Variants in MKLN1 observed in about 807,000 individuals in gnomAD.
MKLN1 encodes the protein muskelin 1.
A neutral mutation model predicts 99.0 loss-of-function variants in MKLN1; 18 were observed. The observed-to-expected ratio is 0.18, with a 90% confidence interval of 0.13 to 0.27. MKLN1 has a LOEUF of 0.27. Among genes scored for constraint, MKLN1 ranks in the 10% least tolerant of loss-of-function variants. The probability of loss-of-function intolerance (pLI) is 1.00; values close to 1 mark genes in which losing one functional copy is unlikely to be tolerated. For missense variants in MKLN1, 621 were observed against 875.9 expected, an observed-to-expected ratio of 0.71 and a Z score of 3.67; for synonymous variants, 288 against 293.2, an observed-to-expected ratio of 0.98 and a Z score of 0.18.
chr7:131,185,002 T>C (rs1796428436), intron 2 of MKLN1, among the ~76,000 whole-genome samples: 1 of 152,174 alleles, frequency 6.6e-6, no homozygotes, highest in Non-Finnish European at 1.5e-5. Flanking sequence ...GGCAGACACA[T>C]GCTGGCAGAA....
intron 3 of MKLN1, among the ~76,000 whole-genome samples, chr7:131,229,686 G>A (rs1797212648): frequency 6.6e-6 from 1 of 152,140 alleles, no homozygotes; most frequent in African/African-American, 2.4e-5. Flanking sequence ...ATCCTGAGGA[G>A]CTGGGACCAC....
chr7:131,481,343 A>T (rs1455591114), intron 17 of MKLN1, among the ~76,000 whole-genome samples: 1 of 152,222 alleles, frequency 6.6e-6, no homozygotes, highest in Non-Finnish European at 1.5e-5. Context: ...ATTCTGCAAG[A>T]TAGTTATCAC....
At chr7:131,326,533 C>T (rs1448904215), upstream of MKLN1, among the ~76,000 whole-genome samples, 2 of 152,036 alleles carry the variant, frequency 1.3e-5, no homozygotes, top group African/African-American at 2.4e-5. Flanking sequence ...TTAGTAGAGA[C>T]GGGGTTTCAC....
chr7:131,463,119 G>T, intron 12 of MKLN1, 98 bp from the exon 13 acceptor site: 1 of 1,087,092 alleles, frequency 9.2e-7, no homozygotes, highest in African/African-American at 1.6e-5. Flanking sequence ...GTGAAATGCT[G>T]TTCTTTAAAA....
At chr7:131,153,992 T>C (rs1795929060) in intron 2 of MKLN1, among the ~76,000 whole-genome samples, 1 of 151,950 alleles carries the variant, frequency 6.6e-6, no homozygotes. Flanking sequence ...ATATTTATTA[T>C]GGATTGATCT....
At chr7:131,454,258 T>G (rs1205135080) in intron 12 of MKLN1, among the ~76,000 whole-genome samples, 2 of 152,230 alleles carry the variant, frequency 1.3e-5, no homozygotes. Context: ...GACCATCAAC[T>G]TATTTGATTT....
At chr7:131,159,907 G>A (rs1796021817) in intron 2 of MKLN1, among the ~76,000 whole-genome samples, 1 of 152,106 alleles carries the variant, frequency 6.6e-6, no homozygotes, top group Admixed American at 6.6e-5. Context: ...ATTGTAAAGG[G>A]AAACTGAGGC....
chr7:131,239,919 C>T (rs889606175), intron 3 of MKLN1, among the ~76,000 whole-genome samples: 6 of 151,916 alleles, frequency 3.9e-5, no homozygotes, highest in East Asian at 3.9e-4. Context: ...TGGTGGCTCA[C>T]GCCTATAATC....
chr7:131,341,542 C>T (rs1707163243), intron 1 of MKLN1, among the ~76,000 whole-genome samples: 1 of 152,110 alleles, frequency 6.6e-6, no homozygotes, highest in South Asian at 2.1e-4. Flanking sequence ...GGTAAGTATT[C>T]TGTTGTATCG....
At chr7:131,384,195 G>A (rs954825821) in intron 2 of MKLN1, among the ~76,000 whole-genome samples, 1 of 149,746 alleles carries the variant, frequency 6.7e-6, no homozygotes, top group Non-Finnish European at 1.5e-5. Flanking sequence ...GGCTGGCTCT[G>A]TGTAGTAGAT....
At chr7:131,479,967 G>A (rs1797074331) in intron 17 of MKLN1, among the ~76,000 whole-genome samples, 1 of 148,392 alleles carries the variant, frequency 6.7e-6, no homozygotes, top group African/African-American at 2.5e-5. Flanking sequence ...GTTGCAGTGA[G>A]CCAAGATCGT....
At position 131,372,329 on chromosome 7, in the gene MKLN1, G is replaced by GA. The variant is rs761721877; in HGVS notation, c.99-3090dup. ...TCTGTGTTTTCTAATTCATTTTTGG[G>GA]AAAAAGCTTTTTTTGTGATATGAAA... On this transcript the variant is annotated intron_variant, in intron 1 of 17. Coordinates refer to ENST00000352689, the MANE Select transcript of MKLN1 (RefSeq NM_013255.5). Among the ~76,000 whole-genome samples the GA allele has an allele frequency of 2.6e-5, 4 of 151,650 alleles. No individual in the cohort carries two copies. In the South Asian group the frequency reaches 6.2e-4, roughly 24 times the overall value.
At chr7:131,449,565 C>T (rs1796118981) in intron 12 of MKLN1, among the ~76,000 whole-genome samples, 1 of 152,158 alleles carries the variant, frequency 6.6e-6, no homozygotes, top group African/African-American at 2.4e-5. Flanking sequence ...CCACCTAAAA[C>T]TGTTGCAGTT....
intron 8 of MKLN1, among the ~76,000 whole-genome samples, chr7:131,422,400 A>G (rs1209787012): frequency 2.0e-5 from 3 of 152,108 alleles, no homozygotes; most frequent in African/African-American, 7.2e-5. Context: ...TATTTTTTTT[A>G]GTTAGCCAGG....
rs534917783 is a variant in MKLN1, at chr7:131,133,357, T to C, written c.-418-9463T>C. Among the ~76,000 whole-genome samples, 455 of 134,214 alleles carry C rather than the reference T, an allele frequency of 3.4e-3. 1 individual carries two copies. Among genetic ancestry groups the C allele is most frequent in the African/African-American group, 0.013 (435 of 33,714 alleles). 88.0% of individuals were successfully genotyped at this position (134,214 alleles called of 152,430 possible). On this transcript the variant is annotated intron_variant, in intron 1 of 7. Coordinates refer to the MKLN1 transcript ENST00000416992. The stretch of plus-strand genomic sequence containing the variant: ...TTTTTTTTTCTTTCTTTCTTTCTTT[T>C]TTTTTTTTTTTTTTTGAGATGGAGT...
chr7:131,486,051 G>A (rs1797264185), intron 17 of MKLN1, among the ~76,000 whole-genome samples: 2 of 151,826 alleles, frequency 1.3e-5, no homozygotes, highest in Non-Finnish European at 2.9e-5. Context: ...CTCCCAAATA[G>A]TTCTGCAAAA....
At chr7:131,185,024 G>T (rs1796428640) in intron 2 of MKLN1, among the ~76,000 whole-genome samples, 1 of 152,186 alleles carries the variant, frequency 6.6e-6, no homozygotes, top group African/African-American at 2.4e-5. Flanking sequence ...CCCTGCTGGA[G>T]TTGCCCCTGA....
chr7:131,454,392 A>G (rs535833309), intron 12 of MKLN1, among the ~76,000 whole-genome samples: 21 of 152,342 alleles, frequency 1.4e-4, no homozygotes, highest in African/African-American at 4.6e-4. Flanking sequence ...GCTAGTTGCA[A>G]ATTTACAAAA....
intron 14 of MKLN1, among the ~76,000 whole-genome samples, chr7:131,465,746 C>T (rs192688706): frequency 0.015 from 2,215 of 151,954 alleles, 19 homozygotes; most frequent in Non-Finnish European, 0.022. Flanking sequence ...TCACAGTGTT[C>T]GCCAGGATGG....
Sources: allele counts gnomAD v4.1 joint callset (sites outside exome capture counted in the v4.1 genomes callset), GRCh38; gene constraint gnomAD v4.1.1; transcripts MANE v1.5; gene names NCBI Gene and HGNC (gene_info 2026-07-23, HGNC 2026-07-21).